Variants in PDZD2 observed in about 807,000 individuals in gnomAD.
The protein encoded by PDZD2 is PDZ domain containing 2.
In PDZD2, 90 loss-of-function variants were observed where a neutral mutation model predicts 220.7. The ratio of observed to expected loss-of-function variants is 0.41; its 90% CI spans 0.34 to 0.49. The LOEUF (loss-of-function observed/expected upper bound fraction) is 0.49, where lower values mean the gene tolerates loss of function less well. Among genes scored for constraint, PDZD2 ranks in the 20% least tolerant of loss-of-function variants. The pLI, the probability that PDZD2 is intolerant of heterozygous loss-of-function variation, is 0.28. For missense variants in PDZD2, 3,174 were observed against 3,608.5 expected, an observed-to-expected ratio of 0.88 and a Z score of 3.08; for synonymous variants, 1,375 against 1,450.5, an observed-to-expected ratio of 0.95 and a Z score of 1.18.
chr5:31,912,113 C>T (rs941694093), intron 2 of PDZD2, among the ~76,000 whole-genome samples: 2 of 152,154 alleles, frequency 1.3e-5, no homozygotes, highest in African/African-American at 4.8e-5. Flanking sequence ...TCCATTTGGT[C>T]TACTATAACA....
intron 2 of PDZD2, among the ~76,000 whole-genome samples, chr5:31,918,366 A>G (rs1012231436): frequency 6.6e-6 from 1 of 152,242 alleles, no homozygotes; most frequent in African/African-American, 2.4e-5. Flanking sequence ...AATTCCTTAC[A>G]TATGACACAG....
intron 2 of PDZD2, among the ~76,000 whole-genome samples, chr5:31,823,626 A>T (rs1421258161): frequency 6.6e-6 from 1 of 152,220 alleles, no homozygotes; most frequent in Non-Finnish European, 1.5e-5. Context: ...GCAGTCCCTG[A>T]TTGGCAACTC....
intron 1 of PDZD2, among the ~76,000 whole-genome samples, chr5:31,734,411 C>T (rs1749720212): frequency 6.6e-6 from 1 of 152,108 alleles, no homozygotes; most frequent in Admixed American, 6.5e-5. Flanking sequence ...CCTCTGCCTC[C>T]CGGGTTCAAG....
At chr5:31,774,962 AAC>A (rs1752552773) in intron 1 of PDZD2, among the ~76,000 whole-genome samples, 1 of 152,122 alleles carries the variant, frequency 6.6e-6, no homozygotes, top group Admixed American at 6.6e-5. Context: ...CTGTGGTGTA[AAC>A]ACTCCCACCA....
At chr5:31,687,996 T>C (rs369774) in intron 1 of PDZD2, among the ~76,000 whole-genome samples, 59,450 of 151,996 alleles carry the variant, frequency 0.39, 12,144 homozygotes, top group East Asian at 0.64. Flanking sequence ...CACAATTTCC[T>C]ATTGGAAATC....
At chr5:31,678,278 A>G (rs1414168721) in intron 1 of PDZD2, among the ~76,000 whole-genome samples, 2 of 152,034 alleles carry the variant, frequency 1.3e-5, no homozygotes, top group Non-Finnish European at 2.9e-5. Context: ...GACTCAGCCT[A>G]CTCCCACTCA....
chr5:31,767,683 T>C (rs1722506543), intron 1 of PDZD2, among the ~76,000 whole-genome samples: 3 of 152,248 alleles, frequency 2.0e-5, no homozygotes, highest in Admixed American at 6.5e-5. Context: ...AGTTTTCAGA[T>C]GGCCATCTCC....
At chr5:31,738,885 T>C (rs916736285) in intron 1 of PDZD2, among the ~76,000 whole-genome samples, 49 of 142,400 alleles carry the variant, frequency 3.4e-4, no homozygotes, top group Middle Eastern at 3.5e-3. Context: ...TTTAAATATA[T>C]ATAGATTTTT....
intron 2 of PDZD2, among the ~76,000 whole-genome samples, chr5:31,973,791 G>A (rs1301758686): frequency 2.6e-5 from 4 of 152,196 alleles, no homozygotes; most frequent in Admixed American, 1.3e-4. Context: ...GGAGGCCGAG[G>A]CAGGAGAATC....
chr5:31,730,539 C>T (rs1414510503), intron 1 of PDZD2, among the ~76,000 whole-genome samples: 2 of 150,192 alleles, frequency 1.3e-5, no homozygotes, highest in Non-Finnish European at 3.0e-5. Context: ...TCCAGGAAAC[C>T]AAGCCACCAG....
chr5:32,005,881 C>T (rs1752757866), intron 5 of PDZD2, among the ~76,000 whole-genome samples: 1 of 152,146 alleles, frequency 6.6e-6, no homozygotes, highest in African/African-American at 2.4e-5. Flanking sequence ...GGTGCAGTGG[C>T]TCACACCTGT....
At chr5:32,039,983 C>T (rs1416182801) in intron 7 of PDZD2, among the ~76,000 whole-genome samples, 4 of 149,570 alleles carry the variant, frequency 2.7e-5, no homozygotes, top group South Asian at 2.1e-4. Context: ...TGCCTGGCCG[C>T]CCCATCTGGG....
Position 31,827,552 on chromosome 5 carries a change from G to A in PDZD2, c.476+27828G>A, listed in dbSNP as rs191035792. ...TACTAAAAATACAAAAATTAGCTGGGTATGGTGGCATGCGCCTGTAATCTC... is the reference window on the plus strand; with the variant it reads ...TACTAAAAATACAAAAATTAGCTGGATATGGTGGCATGCGCCTGTAATCTC... On this transcript the variant is annotated intron_variant, in intron 2 of 24. Coordinates refer to ENST00000438447, the MANE Select transcript of PDZD2 (RefSeq NM_178140.4). Among the ~76,000 whole-genome samples, 536 of 152,084 alleles carry A rather than the reference G, an allele frequency of 3.5e-3. 3 individuals are homozygous for A. The highest frequency in any genetic ancestry group is 6.0e-3 in the Non-Finnish European group (409 of 67,976).
intron 3 of PDZD2, among the ~76,000 whole-genome samples, chr5:31,989,424 T>TTTTTTTTTTTTTTTTTTTTTTTTA (rs1429240437): frequency 7.3e-6 from 1 of 136,690 alleles, no homozygotes; most frequent in African/African-American, 2.9e-5. Context: ...TTCTTTTCTT[T>TTTTTTTTTTTTTTTTTTTTTTTTA]TTTTTTTTTT....
At chr5:31,921,335 C>A (rs55784040) in intron 2 of PDZD2, among the ~76,000 whole-genome samples, 1 of 151,970 alleles carries the variant, frequency 6.6e-6, no homozygotes, top group African/African-American at 2.4e-5. Flanking sequence ...TCTGTGGGCA[C>A]GCTGAAATTC....
intron 1 of PDZD2, among the ~76,000 whole-genome samples, chr5:31,762,363 C>G (rs1357239378): frequency 1.3e-5 from 2 of 152,244 alleles, no homozygotes; most frequent in African/African-American, 4.8e-5. Context: ...TTTCAGCTCA[C>G]TACAACCTCC....
chr5:31,977,353 C>A (rs1483998066), intron 2 of PDZD2, among the ~76,000 whole-genome samples: 2 of 152,180 alleles, frequency 1.3e-5, no homozygotes, highest in Non-Finnish European at 2.9e-5. Context: ...CTGCCTCAAG[C>A]CCTCTTTTAA....
chr5:31,704,826 A>T (rs1010287928), intron 1 of PDZD2, among the ~76,000 whole-genome samples: 3 of 152,224 alleles, frequency 2.0e-5, no homozygotes, highest in Non-Finnish European at 2.9e-5. Context: ...AAGAATGCAC[A>T]TTACTTCGGC....
At chr5:31,817,174 A>T (rs1177374902) in intron 2 of PDZD2, among the ~76,000 whole-genome samples, 1 of 124,106 alleles carries the variant, frequency 8.1e-6, no homozygotes, top group Non-Finnish European at 1.6e-5. Flanking sequence ...CGACAGAGTG[A>T]GACTCCGTCT....
Sources: allele counts gnomAD v4.1 joint callset (sites outside exome capture counted in the v4.1 genomes callset), GRCh38; gene constraint gnomAD v4.1.1; transcripts MANE v1.5; gene names NCBI Gene and HGNC (gene_info 2026-07-23, HGNC 2026-07-21).